Variants in SLC8A1 observed in about 807,000 individuals in gnomAD.
The protein encoded by SLC8A1 is sodium/calcium exchanger 1.
In SLC8A1, 18 loss-of-function variants were observed where a neutral mutation model predicts 68.3. The ratio of observed to expected loss-of-function variants is 0.26; its 90% CI spans 0.18 to 0.39. SLC8A1 has a LOEUF of 0.39. Among genes scored for constraint, SLC8A1 ranks in the 10% least tolerant of loss-of-function variants. SLC8A1 has a pLI of 1.00. For missense variants in SLC8A1, 985 were observed against 1,156.7 expected (o/e 0.85, Z 2.15); for synonymous variants, 475 against 415.5 (o/e 1.14, Z -1.74).
Position 40,274,163 on chromosome 2 carries a change from A to G in SLC8A1, c.1809-96308T>C, listed in dbSNP as rs1574980338. Among the ~76,000 whole-genome samples the G allele has an allele frequency of 2.0e-5, 3 of 150,202 alleles. No individual in the cohort carries two copies. The East Asian group carries it at 5.8e-4, about 29-fold the overall frequency. ...GTGGAACAGCCCTTGTGGATGGAAT[A>G]GACTGGGCACTGTTGCTTTCTAGCT... On this transcript the variant is annotated intron_variant, in intron 2 of 7. Coordinates refer to ENST00000406785, the Ensembl canonical transcript of SLC8A1.
chr2:40,268,024 G>A (rs1160908383), intron 2 of SLC8A1, among the ~76,000 whole-genome samples: 6 of 152,022 alleles, frequency 3.9e-5, no homozygotes, highest in African/African-American at 1.5e-4. Context: ...AATTACGATG[G>A]GCATTTTACA....
chr2:40,381,106 A>G (rs751301955), intron 2 of SLC8A1, among the ~76,000 whole-genome samples: 4 of 152,090 alleles, frequency 2.6e-5, no homozygotes, highest in Non-Finnish European at 4.4e-5. Context: ...AGGCAAGCCA[A>G]ATTTTCTAGA....
chr2:40,307,460 C>T (rs999737568), intron 2 of SLC8A1, among the ~76,000 whole-genome samples: 9 of 151,966 alleles, frequency 5.9e-5, no homozygotes, highest in African/African-American at 1.5e-4. Flanking sequence ...AGATCTGTTC[C>T]GCAATGATGT....
chr2:40,505,507 GA>G (rs1303839276), intron 1 of SLC8A1, among the ~76,000 whole-genome samples: 2 of 151,502 alleles, frequency 1.3e-5, no homozygotes, highest in African/African-American at 4.8e-5. Context: ...TACTAAAATA[GA>G]AAAAAATAAA....
chr2:40,264,150 A>G, intron 2 of SLC8A1, among the ~76,000 whole-genome samples: 1 of 151,446 alleles, frequency 6.6e-6, no homozygotes, highest in African/African-American at 2.4e-5. Flanking sequence ...CCACAATGAG[A>G]TACCATCTCA....
chr2:40,319,852 T>C (rs557472287), intron 2 of SLC8A1, among the ~76,000 whole-genome samples: 1 of 152,274 alleles, frequency 6.6e-6, no homozygotes, highest in South Asian at 2.1e-4. Flanking sequence ...CCTCTAGATA[T>C]ATCACAATTT....
intron 5 of SLC8A1, among the ~76,000 whole-genome samples, chr2:40,161,461 C>T (rs918486305): frequency 6.6e-6 from 1 of 152,088 alleles, no homozygotes; most frequent in Non-Finnish European, 1.5e-5. Context: ...CAAGAATACA[C>T]AAAAATACAA....
chr2:40,472,425 A>G (rs1306449000), intron 1 of SLC8A1, among the ~76,000 whole-genome samples: 2 of 152,314 alleles, frequency 1.3e-5, no homozygotes, highest in East Asian at 3.9e-4. Context: ...CTGAATTTTT[A>G]GAATTGTTTG....
At position 40,343,703 on chromosome 2, in the gene SLC8A1, T is replaced by C. The variant is rs181395289; in HGVS notation, c.1808+84770A>G. On this transcript the variant is annotated intron_variant, in intron 2 of 7. Transcript: ENST00000406785. The stretch of plus-strand genomic sequence containing the variant: ...AAATATAGACATATCATAAGTTCTG[T>C]AGTGTAAAGGAAAAAGATGTTCATG... Among the ~76,000 whole-genome samples the C allele has an allele frequency of 9.2e-3, 1,403 of 152,236 alleles. 44 individuals are homozygous for C. The highest frequency in any genetic ancestry group is 5.8e-3 in the Non-Finnish European group (395 of 68,006).
At chr2:40,216,237 T>TGA (rs1172392522) in intron 2 of SLC8A1, among the ~76,000 whole-genome samples, 2 of 152,114 alleles carry the variant, frequency 1.3e-5, no homozygotes, top group South Asian at 4.2e-4. Flanking sequence ...CTCCCCCTTA[T>TGA]GAGTGAGAAC....
intron 2 of SLC8A1, among the ~76,000 whole-genome samples, chr2:40,185,588 C>T (rs1184245140): frequency 4.6e-5 from 7 of 151,956 alleles, no homozygotes; most frequent in African/African-American, 1.2e-4. Flanking sequence ...AAGCTGGGGA[C>T]TTAGAGATAA....
chr2:40,177,140 T>C (rs1017447712), intron 3 of SLC8A1, among the ~76,000 whole-genome samples: 3 of 152,220 alleles, frequency 2.0e-5, no homozygotes, highest in Admixed American at 2.0e-4. Flanking sequence ...TTCATAGATA[T>C]GGTGCCTTTT....
chr2:40,106,464 G>A (rs1248421028), exon 8 of SLC8A1: 1 of 151,426 alleles, frequency 6.6e-6, no homozygotes, highest in South Asian at 2.1e-4. Flanking sequence ...GATAAGAAAG[G>A]TTCTCATAAA....
At chr2:40,158,284 T>C (rs1279268968) in intron 6 of SLC8A1, among the ~76,000 whole-genome samples, 1 of 152,212 alleles carries the variant, frequency 6.6e-6, no homozygotes, top group Admixed American at 6.5e-5. Flanking sequence ...AATACTGACA[T>C]TCTTTAGACA....
At chr2:40,469,810 T>G (rs1221867730) in intron 1 of SLC8A1, among the ~76,000 whole-genome samples, 1 of 152,162 alleles carries the variant, frequency 6.6e-6, no homozygotes, top group Non-Finnish European at 1.5e-5. Flanking sequence ...GAAAATAATG[T>G]CTGCTTACAC....
chr2:40,417,282 A>G (rs1211610858), intron 2 of SLC8A1, among the ~76,000 whole-genome samples: 2 of 152,076 alleles, frequency 1.3e-5, no homozygotes, highest in African/African-American at 4.8e-5. Context: ...TATGCATAGT[A>G]CCAAATAGAT....
exon 8 of SLC8A1, chr2:40,107,426 G>A (rs763112316): frequency 2.0e-5 from 3 of 151,666 alleles, no homozygotes; most frequent in Non-Finnish European, 4.4e-5. Context: ...TTTTTCCAGA[G>A]CTTTTTTCAA....
At chr2:40,298,675 T>C (rs890001524) in intron 2 of SLC8A1, among the ~76,000 whole-genome samples, 4 of 152,200 alleles carry the variant, frequency 2.6e-5, no homozygotes, top group African/African-American at 9.6e-5. Flanking sequence ...TGTTCAAGTT[T>C]TCGCTAACTT....
intron 1 of SLC8A1, among the ~76,000 whole-genome samples, chr2:40,486,828 T>G (rs1704996931): frequency 1.3e-5 from 2 of 151,124 alleles, no homozygotes; most frequent in Admixed American, 6.6e-5. Flanking sequence ...ACCTGTTAAC[T>G]CGTCATTTAC....
Sources: gnomAD v4.1 joint callset for allele counts (sites outside exome capture counted in the v4.1 genomes callset) on GRCh38, gnomAD v4.1.1 for gene constraint, MANE v1.5 for transcripts, NCBI Gene and HGNC (gene_info 2026-07-23, HGNC 2026-07-21) for gene names.